SLC4A5: variants seen among roughly 807,000 people sequenced by gnomAD.
The protein encoded by SLC4A5 is solute carrier family 4 member 5.
SLC4A5 carries 96 observed loss-of-function variants against 120.4 expected under a neutral mutation model. The ratio of observed to expected loss-of-function variants is 0.80; its 90% confidence interval spans 0.68 to 0.94. The LOEUF (loss-of-function observed/expected upper bound fraction) is 0.94. Among genes scored for constraint, SLC4A5 ranks in the 40% least tolerant of loss-of-function variants. SLC4A5 has a pLI of 0.00. For synonymous variants in SLC4A5, 550 were observed against 571.1 expected, an observed-to-expected ratio of 0.96 and a Z score of 0.53; for missense variants, 1,259 against 1,459.5, an observed-to-expected ratio of 0.86 and a Z score of 2.24.
At chr2:74,307,902 T>C (rs561779162) in intron 6 of SLC4A5, 19 of 492,882 alleles carry the variant, frequency 3.9e-5, no homozygotes, top group Admixed American at 2.1e-4. Context: ...GGCACCTGCA[T>C]AGACACTGGC....
At chr2:74,226,594 T>C (rs1028914566) in intron 27 of SLC4A5, among the ~76,000 whole-genome samples, 1 of 152,118 alleles carries the variant, frequency 6.6e-6, no homozygotes, top group Admixed American at 6.6e-5. Context: ...GGTGGAAAGA[T>C]CTATATTTAG....
At chr2:74,337,570 C>T (rs1466493467) in intron 3 of SLC4A5, among the ~76,000 whole-genome samples, 1 of 152,136 alleles carries the variant, frequency 6.6e-6, no homozygotes, top group African/African-American at 2.4e-5. Context: ...AACTGGTATT[C>T]TAAAGGATAA....
At chr2:74,253,461 G>A (rs748058047) in intron 14 of SLC4A5, among the ~76,000 whole-genome samples, 2 of 152,150 alleles carry the variant, frequency 1.3e-5, no homozygotes, top group African/African-American at 2.4e-5. Context: ...AGTCCAAGGA[G>A]CTCAGATATT....
chr2:74,334,308 G>A (rs1212369528), intron 3 of SLC4A5, 131 bp from the exon 4 acceptor site: 2 of 152,262 alleles, frequency 1.3e-5, no homozygotes, highest in Admixed American at 6.5e-5. Context: ...AATCGCTGCT[G>A]TGGCCTATGG....
At chr2:74,242,097 G>A in intron 19 of SLC4A5, 45 bp from the exon 20 acceptor site, 3 of 1,563,670 alleles carry the variant, frequency 1.9e-6, no homozygotes, top group Non-Finnish European at 1.7e-6. Context: ...CAGCTGTGGG[G>A]CTGGGAGCTG....
At chr2:74,257,151 G>A (rs1670993183) in intron 12 of SLC4A5, among the ~76,000 whole-genome samples, 1 of 152,064 alleles carries the variant, frequency 6.6e-6, no homozygotes. Context: ...CGACTCATGT[G>A]GGGGCATCAT....
chr2:74,241,844 T>A (rs925862142), intron 20 of SLC4A5, 150 bp downstream of exon 20: 9 of 552,412 alleles, frequency 1.6e-5, no homozygotes, highest in Non-Finnish European at 2.7e-5. Context: ...AGTGTTCATT[T>A]ACAAAGCTCT....
At chr2:74,223,295 G>A (rs764932863) in intron 28 of SLC4A5, among the ~76,000 whole-genome samples, 4 of 152,088 alleles carry the variant, frequency 2.6e-5, no homozygotes, top group African/African-American at 4.8e-5. Context: ...GTGAGCCACC[G>A]CGCGTGGCCA....
At chr2:74,292,622 G>C (rs1259048266) in intron 7 of SLC4A5, among the ~76,000 whole-genome samples, 4 of 152,066 alleles carry the variant, frequency 2.6e-5, no homozygotes, top group African/African-American at 9.7e-5. Context: ...CCTCCATGGG[G>C]ACCGCTTCAG....
chr2:74,314,210 G>A (rs1364324926), intron 6 of SLC4A5, among the ~76,000 whole-genome samples: 2 of 152,142 alleles, frequency 1.3e-5, no homozygotes, highest in African/African-American at 2.4e-5. Context: ...TGATTTAGCT[G>A]GTGAACTGTG....
In SLC4A5 at chr2:74,235,169, T is replaced by C; in HGVS notation, c.2365A>G (p.Met789Val). The C allele has an allele frequency of 3.1e-6, 5 of 1,613,902 alleles. No homozygotes were observed. Among genetic ancestry groups the C allele is most frequent in the African/African-American group, 1.3e-5 (1 of 74,936 alleles). Reference sequence around the variant, plus strand: ...AAACAGGCATCGATTCCACAGAACATCAGGATGGAGAAAACAATGGAAAAG... The same window carrying C: ...AAACAGGCATCGATTCCACAGAACACCAGGATGGAGAAAACAATGGAAAAG... Residue 789 changes from methionine (M) to valine (V), a missense_variant, in exon 22 of 31, where the codon ATG (methionine) becomes GTG (valine). Physicochemically the swap from Met to Val is conservative, Grantham distance 21. Transcript: ENST00000394019.
chr2:74,312,695 G>A (rs992525522), intron 6 of SLC4A5, among the ~76,000 whole-genome samples: 9 of 152,150 alleles, frequency 5.9e-5, no homozygotes, highest in Admixed American at 4.6e-4. Context: ...CACTTTGGGA[G>A]GCTGAGGTGA....
At chr2:74,303,873 G>C (rs963319307) in intron 7 of SLC4A5, among the ~76,000 whole-genome samples, 8 of 149,070 alleles carry the variant, frequency 5.4e-5, no homozygotes, top group Admixed American at 2.7e-4. Flanking sequence ...TTTTTGAGAC[G>C]GAGTCTCGCT....
rs573570081 is a variant in SLC4A5, at chr2:74,301,153, T to C, written c.271+3336A>G. ...TTAAAGCCACCCTCGTGGGTCTCTG[T>C]GGAAGGAATAAAAGTCAGCTACCTG... On this transcript the variant is annotated intron_variant, in intron 7 of 30. Transcript: ENST00000394019. 1.6e-4 allele frequency among the ~76,000 whole-genome samples: 24 copies of C among 152,296 alleles called. 1 individual carries two copies. The South Asian group carries it at 5.0e-3, about 32-fold the overall frequency.
intron 16 of SLC4A5, 176 bp from the exon 17 acceptor site, chr2:74,250,693 G>C (rs1670762709): frequency 1.4e-6 from 1 of 720,618 alleles, no homozygotes. Flanking sequence ...GTAGGACTGA[G>C]TTTGTGGTTG....
intron 8 of SLC4A5, among the ~76,000 whole-genome samples, chr2:74,275,357 G>C (rs1671605725): frequency 6.6e-6 from 1 of 152,222 alleles, no homozygotes; most frequent in South Asian, 2.1e-4. Context: ...GAAAAATTCT[G>C]AATGGGCTCC....
intron 4 of SLC4A5, among the ~76,000 whole-genome samples, chr2:74,332,302 A>G (rs919394009): frequency 1.9e-4 from 29 of 151,582 alleles, no homozygotes; most frequent in Admixed American, 1.6e-3. Context: ...CTATGTGTCT[A>G]AGTGAAATTA....
intron 12 of SLC4A5, among the ~76,000 whole-genome samples, chr2:74,259,332 C>T (rs1052256554): frequency 1.3e-5 from 2 of 152,162 alleles, no homozygotes; most frequent in South Asian, 2.1e-4. Flanking sequence ...GGACAGCTGG[C>T]GCCTCATTTA....
chr2:74,221,909 C>G (rs1044079933), intron 29 of SLC4A5, among the ~76,000 whole-genome samples: 2 of 152,104 alleles, frequency 1.3e-5, no homozygotes, highest in African/African-American at 4.8e-5. Flanking sequence ...GACCTCGGGA[C>G]AGGCTATGTT....
Sources: allele counts gnomAD v4.1 joint callset (sites outside exome capture counted in the v4.1 genomes callset), GRCh38; gene constraint gnomAD v4.1.1; transcripts MANE v1.5; gene names NCBI Gene and HGNC (gene_info 2026-07-23, HGNC 2026-07-21).